NFILZ: variants seen among roughly 807,000 people sequenced by gnomAD.
The protein encoded by NFILZ is NFIL3 like protein.
rs182196781 is a variant in NFILZ, at chr19:8,657,405, C to T, written c.-163-17146C>T. Among the ~76,000 whole-genome samples the T allele has an allele frequency of 3.0e-4, 46 of 152,132 alleles. 1 individual carries two copies. The highest frequency in any genetic ancestry group is 9.9e-4 in the African/African-American group (41 of 41,510). On this transcript the variant is annotated intron_variant, in intron 3 of 5. Coordinates refer to ENST00000691075, the MANE Select transcript of NFILZ (RefSeq NM_001378600.1). ...GCGTCAGCCACCGCGCCTGGCCTGG[C>T]GATTGCTTTTGTCTGCAGGGGGTCG...
chr19:8,634,005 CTT>C (rs879968611), intron 2 of NFILZ, among the ~76,000 whole-genome samples: 3 of 130,376 alleles, frequency 2.3e-5, no homozygotes, highest in Non-Finnish European at 4.9e-5. Flanking sequence ...TTCTTGTTTC[CTT>C]TTTTTTTTGA....
intron 3 of NFILZ, among the ~76,000 whole-genome samples, chr19:8,656,445 C>CAGCCCACCTTCTCCT (rs1568421649): frequency 0.051 from 956 of 18,598 alleles, 14 homozygotes; most frequent in South Asian, 0.14. Flanking sequence ...ACCTTCTCCT[C>CAGCCCACCTTCTCCT]GAAGCCCACC....
intron 3 of NFILZ, among the ~76,000 whole-genome samples, chr19:8,635,950 T>C (rs1460230378): frequency 1.3e-5 from 2 of 151,982 alleles, no homozygotes; most frequent in Non-Finnish European, 2.9e-5. Context: ...TATTTTCCTG[T>C]CTCAGCCTCC....
Position 8,677,680 on chromosome 19 carries a change from G to A in NFILZ, c.*45G>A, listed in dbSNP as rs997300571. On this transcript the variant is annotated 3_prime_UTR_variant, in exon 6 of 6. Coordinates refer to ENST00000691075, the MANE Select transcript of NFILZ (RefSeq NM_001378600.1). ...CTAGGCTTGCAAGGGGGTGTTTGGG[G>A]GCGGAATATAGGTTTGTCTGAGGGA... 1.8e-4 allele frequency: 27 copies of A among 152,354 alleles called. No homozygotes were observed. Among genetic ancestry groups the A allele is most frequent in the African/African-American group, 6.0e-4 (25 of 41,538 alleles). 9.4% of individuals were successfully genotyped at this position (152,354 alleles called of 1,614,324 possible). A position where few individuals can be genotyped will look rare whatever the true frequency, so the allele number is the denominator to read the frequency against.
intron 3 of NFILZ, among the ~76,000 whole-genome samples, chr19:8,657,300 C>T (rs1364927991): frequency 1.3e-5 from 2 of 151,580 alleles, no homozygotes; most frequent in African/African-American, 4.9e-5. Context: ...AGGGGGGTTT[C>T]ATCATGTTGG....
chr19:8,669,074 G>T (rs534449489), intron 3 of NFILZ, among the ~76,000 whole-genome samples: 36 of 152,244 alleles, frequency 2.4e-4, no homozygotes, highest in African/African-American at 8.2e-4. Flanking sequence ...CTCCCGAGTA[G>T]CTGGGACTAC....
In NFILZ at chr19:8,678,055, C is replaced by T. The variant is rs148831494; in HGVS notation, c.*420C>T. Among the ~76,000 whole-genome samples, 2,071 of 41,360 alleles carry T rather than the reference C, an allele frequency of 0.05. 64 individuals carry two copies. Among genetic ancestry groups the T allele is most frequent in the Admixed American group, 0.074 (289 of 3,896 alleles). The allele number at this position is 41,360 out of a possible 152,430, so 27.1% of individuals were successfully genotyped here. Reference sequence around the variant, plus strand: ...ATCCATCCATCCATCCATCCATCCACCCATCTATTCATCCATCCATCAATC... The same window carrying T: ...ATCCATCCATCCATCCATCCATCCATCCATCTATTCATCCATCCATCAATC... On this transcript the variant is annotated 3_prime_UTR_variant, in exon 6 of 6. Coordinates refer to ENST00000691075, the MANE Select transcript of NFILZ (RefSeq NM_001378600.1).
intron 4 of NFILZ, among the ~76,000 whole-genome samples, chr19:8,675,029 T>C (rs1425315321): frequency 3.9e-5 from 6 of 152,196 alleles, no homozygotes; most frequent in Non-Finnish European, 7.4e-5. Flanking sequence ...CAAGGTTGTT[T>C]TCATTCATGT....
At chr19:8,663,760 G>GTATGTGTGTGTATGTGTGTA (rs1267863037) in intron 3 of NFILZ, among the ~76,000 whole-genome samples, 1 of 136,254 alleles carries the variant, frequency 7.3e-6, no homozygotes, top group African/African-American at 2.7e-5. Flanking sequence ...GTGTGTGTGT[G>GTATGTGTGTGTATGTGTGTA]TGTGTGTGTG....
At chr19:8,631,117 G>T (rs1432530456) in intron 1 of NFILZ, among the ~76,000 whole-genome samples, 1 of 152,118 alleles carries the variant, frequency 6.6e-6, no homozygotes, top group African/African-American at 2.4e-5. Flanking sequence ...AGCATTTTGG[G>T]GTACCAGGGG....
intron 3 of NFILZ, among the ~76,000 whole-genome samples, chr19:8,662,645 T>A (rs2043037153): frequency 6.6e-6 from 1 of 151,336 alleles, no homozygotes; most frequent in Non-Finnish European, 1.5e-5. Flanking sequence ...TCTTCCTTTT[T>A]TTTTTTTTTT....
rs1355720824 is a variant in NFILZ, at chr19:8,674,616, C to G, written c.-114+16C>G. ...AAGGAATAAGGTATGCAATATTTCT[C>G]AAACATTTTTGTATTCTTTTTCTGA... On this transcript the variant is annotated intron_variant, in intron 4 of 5. Coordinates refer to ENST00000691075, the MANE Select transcript of NFILZ (RefSeq NM_001378600.1). Among the ~76,000 whole-genome samples the G allele has an allele frequency of 6.6e-6, 1 of 151,174 alleles. No homozygotes were observed. The highest frequency in any genetic ancestry group is 1.5e-5 in the Non-Finnish European group (1 of 67,894).
chr19:8,670,201 A>G (rs190415263), intron 3 of NFILZ, among the ~76,000 whole-genome samples: 140 of 152,034 alleles, frequency 9.2e-4, no homozygotes, highest in African/African-American at 3.3e-3. Context: ...TCCTGGGATC[A>G]GATGATTCTC....
chr19:8,670,788 A>G (rs1156840430), intron 3 of NFILZ, among the ~76,000 whole-genome samples: 1 of 152,174 alleles, frequency 6.6e-6, no homozygotes, highest in Non-Finnish European at 1.5e-5. Flanking sequence ...TGAGGTCAGT[A>G]GTTTGAGACC....
chr19:8,645,903 T>C (rs1030211310), intron 3 of NFILZ, among the ~76,000 whole-genome samples: 1 of 152,196 alleles, frequency 6.6e-6, no homozygotes, highest in Admixed American at 6.5e-5. Context: ...AAAACGAAGA[T>C]GATATTAGGT....
chr19:8,635,110 G>A (rs1008114063), intron 2 of NFILZ, among the ~76,000 whole-genome samples: 1 of 151,860 alleles, frequency 6.6e-6, no homozygotes, highest in Non-Finnish European at 1.5e-5. Flanking sequence ...AGGAGTTCAA[G>A]ACCAGCCTGG....
intron 3 of NFILZ, among the ~76,000 whole-genome samples, chr19:8,653,007 C>CTTTCTTTCTTT (rs1568420430): frequency 3.0e-4 from 14 of 46,708 alleles, no homozygotes; most frequent in African/African-American, 8.0e-4. Context: ...TTCCTTCCTT[C>CTTTCTTTCTTT]CTTCCTTTCT....
chr19:8,641,467 A>G (rs2146139587), intron 3 of NFILZ, among the ~76,000 whole-genome samples: 1 of 152,330 alleles, frequency 6.6e-6, no homozygotes, highest in East Asian at 1.9e-4. Flanking sequence ...ATATTTACCC[A>G]AAAGATTTTG....
At chr19:8,661,230 A>G (rs2043030680) in intron 3 of NFILZ, among the ~76,000 whole-genome samples, 1 of 147,290 alleles carries the variant, frequency 6.8e-6, no homozygotes, top group Non-Finnish European at 1.5e-5. Flanking sequence ...TGATGCAATC[A>G]TAGCTCACTG....
Sources: gnomAD v4.1 joint callset for allele counts (sites outside exome capture counted in the v4.1 genomes callset) on GRCh38, gnomAD v4.1.1 for gene constraint, MANE v1.5 for transcripts, NCBI Gene and HGNC (gene_info 2026-07-23, HGNC 2026-07-21) for gene names.